GPR137B: variants seen among roughly 807,000 people sequenced by gnomAD.
GPR137B encodes the protein G protein-coupled receptor 137B.
A neutral mutation model predicts 42.5 loss-of-function variants in GPR137B; 42 were observed. The ratio of observed to expected loss-of-function variants is 0.99; its 90% CI spans 0.77 to 1.28. The LOEUF is 1.28. Among genes scored for constraint, GPR137B ranks in the 50% most tolerant of loss-of-function variants. The pLI is 0.00. For synonymous variants in GPR137B, 218 were observed against 209.7 expected (o/e 1.04, Z -0.34); for missense variants, 487 against 493.9 (o/e 0.99, Z 0.13).
At chr1:236,188,272 A>G (rs999966205) in intron 5 of GPR137B, among the ~76,000 whole-genome samples, 1 of 152,202 alleles carries the variant, frequency 6.6e-6, no homozygotes, top group Non-Finnish European at 1.5e-5. Context: ...CTGCAAAAAG[A>G]GACAATTGAC....
At position 236,166,099 on chromosome 1, in the gene GPR137B, T is replaced by G. The variant is rs541666422; in HGVS notation, c.415-2607T>G. On this transcript the variant is annotated intron_variant, in intron 1 of 6. Coordinates refer to ENST00000366592, the MANE Select transcript of GPR137B (RefSeq NM_003272.4). ...TTTTTATATTGAACGGGTCAAACAT[T>G]TTTTAAAAAATTCTGTAGTTTCTTC... Among the ~76,000 whole-genome samples the G allele has an allele frequency of 8.5e-5, 13 of 152,332 alleles. No individual in the cohort carries two copies. The East Asian group carries it at 2.1e-3, about 25-fold the overall frequency.
intron 1 of GPR137B, among the ~76,000 whole-genome samples, chr1:236,158,186 G>A (rs1662087734): frequency 6.6e-6 from 1 of 152,210 alleles, no homozygotes; most frequent in Non-Finnish European, 1.5e-5. Flanking sequence ...CACTTTGAGA[G>A]GCTGAGGTGG....
intron 6 of GPR137B, among the ~76,000 whole-genome samples, chr1:236,207,571 T>TA (rs1476539708): frequency 6.6e-6 from 1 of 152,220 alleles, no homozygotes; most frequent in Non-Finnish European, 1.5e-5. Context: ...GAAAACGACT[T>TA]ACGTGTATTG....
chr1:236,185,631 C>A (rs1164512110), intron 5 of GPR137B, among the ~76,000 whole-genome samples: 1 of 152,232 alleles, frequency 6.6e-6, no homozygotes, highest in Non-Finnish European at 1.5e-5. Flanking sequence ...TCACAGCTCA[C>A]CTCAGCCTTG....
chr1:236,147,759 G>A (rs1031251455), intron 1 of GPR137B, among the ~76,000 whole-genome samples: 1 of 152,176 alleles, frequency 6.6e-6, no homozygotes, highest in Admixed American at 6.5e-5. Flanking sequence ...CCCAATCCCT[G>A]TGAGCAGTGT....
chr1:236,192,321 C>T (rs1203283158), intron 5 of GPR137B, among the ~76,000 whole-genome samples: 1 of 151,968 alleles, frequency 6.6e-6, no homozygotes, highest in East Asian at 1.9e-4. Context: ...GCCCCCTTTC[C>T]AGGGGAGTGA....
chr1:236,166,150 G>A (rs1405910434), intron 1 of GPR137B, among the ~76,000 whole-genome samples: 2 of 152,160 alleles, frequency 1.3e-5, no homozygotes, highest in Non-Finnish European at 2.9e-5. Context: ...TTGTGAAGAA[G>A]CCTCAGTTAT....
rs567823851 is a variant in GPR137B at position 236,201,404 on chromosome 1, G to A, written c.967-3722G>A. Among the ~76,000 whole-genome samples the A allele has an allele frequency of 1.0e-4, 10 of 97,436 alleles. No individual in the cohort carries two copies. The East Asian group carries it at 4.7e-3, about 46-fold the overall frequency. The allele number at this position is 97,436 out of a possible 152,430, so 63.9% of individuals were successfully genotyped here. ...AACTTTAGATTTCTCTTCATCTTCA[G>A]GAACACCAATTATTATGTTTGGCCA... On this transcript the variant is annotated intron_variant, in intron 5 of 6. Transcript: ENST00000366592.
chr1:236,188,011 A>ACT lies in GPR137B; in HGVS notation c.966+4105_966+4106insCT, dbSNP rs1314578941. On this transcript the variant is annotated intron_variant, in intron 5 of 6. Coordinates refer to ENST00000366592, the MANE Select transcript of GPR137B (RefSeq NM_003272.4). ...TGTGTCCTCTCTTATTTCCTTGAGC[A>ACT]GCAGTTTGTAGTTCTCCTTGGAGAG... 2.0e-5 allele frequency among the ~76,000 whole-genome samples: 3 copies of ACT among 152,154 alleles called. No homozygotes were observed. In the East Asian group the frequency reaches 5.8e-4, roughly 29 times the overall value.
At chr1:236,183,408 T>C (rs1215028685) in intron 4 of GPR137B, among the ~76,000 whole-genome samples, 1 of 152,090 alleles carries the variant, frequency 6.6e-6, no homozygotes, top group South Asian at 2.1e-4. Flanking sequence ...TAAGTGAGAG[T>C]GTTAATTTGG....
At chr1:236,183,600 A>G (rs993525488) in intron 4 of GPR137B, among the ~76,000 whole-genome samples, 178 bp from the exon 5 acceptor site, 2 of 152,214 alleles carry the variant, frequency 1.3e-5, no homozygotes, top group Admixed American at 1.3e-4. Flanking sequence ...GTACTATACT[A>G]TATTTTAATA....
chr1:236,181,158 C>T (rs2102912312), intron 4 of GPR137B, among the ~76,000 whole-genome samples: 1 of 152,100 alleles, frequency 6.6e-6, no homozygotes, highest in Middle Eastern at 3.4e-3. Flanking sequence ...TTTATAAAAG[C>T]TCATGGCACT....
At chr1:236,195,800 G>A (rs1320842098) in intron 5 of GPR137B, among the ~76,000 whole-genome samples, 1 of 152,156 alleles carries the variant, frequency 6.6e-6, no homozygotes, top group Non-Finnish European at 1.5e-5. Context: ...GATTATAACT[G>A]CAGTGAGGTA....
chr1:236,168,606 C>T (rs752222098), intron 1 of GPR137B, 100 bp from the exon 2 acceptor site: 90 of 875,050 alleles, frequency 1.0e-4, no homozygotes, highest in East Asian at 3.1e-4. Flanking sequence ...ACGTGCCCAG[C>T]GCTGGGGGAT....
chr1:236,184,325 G>A lies in GPR137B; in HGVS notation c.966+419G>A, dbSNP rs188426097. On this transcript the variant is annotated intron_variant, in intron 5 of 6. Coordinates refer to ENST00000366592, the MANE Select transcript of GPR137B (RefSeq NM_003272.4). ...AAATAGTATGCCGGATGGCGACTAG[G>A]GAATGGGAGGATAGGGCAATAAGAG... 1.6e-3 allele frequency among the ~76,000 whole-genome samples: 242 copies of A among 152,292 alleles called. 1 individual carries two copies. Among genetic ancestry groups the A allele is most frequent in the African/African-American group, 5.1e-3 (212 of 41,560 alleles).
At chr1:236,160,699 G>A (rs1043626170) in intron 1 of GPR137B, among the ~76,000 whole-genome samples, 1 of 152,102 alleles carries the variant, frequency 6.6e-6, no homozygotes, top group Admixed American at 6.5e-5. Context: ...GCCATCCAGG[G>A]TCTGCCTGTT....
chr1:236,164,665 C>T (rs1362069152), intron 1 of GPR137B, among the ~76,000 whole-genome samples: 1 of 152,070 alleles, frequency 6.6e-6, no homozygotes, highest in Non-Finnish European at 1.5e-5. Flanking sequence ...GGTTTATGCC[C>T]TTTAATTAAT....
chr1:236,168,446 C>T (rs1206282677), intron 1 of GPR137B, among the ~76,000 whole-genome samples: 1 of 149,312 alleles, frequency 6.7e-6, no homozygotes, highest in Non-Finnish European at 1.5e-5. Context: ...AAAAAAGAAT[C>T]TGAACAGAAG....
rs937599061 is a variant in GPR137B, at chr1:236,171,164, A to G, written c.464+2409A>G. 1.3e-5 allele frequency among the ~76,000 whole-genome samples: 2 copies of G among 152,206 alleles called. No homozygotes were observed. Among genetic ancestry groups the G allele is most frequent in the African/African-American group, 2.4e-5 (1 of 41,434 alleles). ...CAGTTGTAACTGTGTTTTGACTGCA[A>G]TCCATCACATGAAGTCAGGTGTGGA... On this transcript the variant is annotated intron_variant, in intron 2 of 6. Coordinates refer to ENST00000366592, the MANE Select transcript of GPR137B (RefSeq NM_003272.4). This position sits in a 1 kb window ranked among gnomAD's most constrained non-coding sequence, Gnocchi z 4.4.
Sources: gnomAD v4.1 joint callset for allele counts (sites outside exome capture counted in the v4.1 genomes callset) on GRCh38, gnomAD v4.1.1 for gene constraint, Gnocchi (gnomAD v3.1) non-coding constraint, MANE v1.5 for transcripts, NCBI Gene and HGNC (gene_info 2026-07-23, HGNC 2026-07-21) for gene names.